LRFN2: variants seen among roughly 807,000 people sequenced by gnomAD.
LRFN2 encodes leucine rich repeat and fibronectin type III domain containing 2.
LRFN2 carries 18 observed loss-of-function variants against 37.3 expected under a neutral mutation model. The observed-to-expected ratio is 0.48, with a 90% CI of 0.33 to 0.72. The LOEUF is 0.72. Among genes scored for constraint, LRFN2 ranks in the 30% least tolerant of loss-of-function variants. The pLI is 0.02. For missense variants in LRFN2, 1,006 were observed against 1,060.7 expected (o/e 0.95, Z 0.72); for synonymous variants, 556 against 466.6 (o/e 1.19, Z -2.47).
chr6:40,503,355 C>T (rs1193869361), intron 1 of LRFN2, among the ~76,000 whole-genome samples: 1 of 152,068 alleles, frequency 6.6e-6, no homozygotes, highest in Non-Finnish European at 1.5e-5. Flanking sequence ...ACTGACTAGT[C>T]GCAGTAATGG....
At chr6:40,531,571 A>C (rs975888455) in intron 1 of LRFN2, among the ~76,000 whole-genome samples, 29 of 152,290 alleles carry the variant, frequency 1.9e-4, no homozygotes, top group Admixed American at 1.8e-3. Context: ...GCAGAATTTC[A>C]GTTGCCCTTG....
chr6:40,503,705 CA>C (rs1765451030), intron 1 of LRFN2, among the ~76,000 whole-genome samples: 1 of 152,126 alleles, frequency 6.6e-6, no homozygotes, highest in African/African-American at 2.4e-5. Flanking sequence ...TTGTGGAGCC[CA>C]ACACCAGTAT....
intron 1 of LRFN2, among the ~76,000 whole-genome samples, chr6:40,525,213 A>G (rs1766217052): frequency 6.6e-6 from 1 of 152,174 alleles, no homozygotes; most frequent in Non-Finnish European, 1.5e-5. Flanking sequence ...GGAGCATTCC[A>G]TAGGCCACTC....
intron 1 of LRFN2, among the ~76,000 whole-genome samples, chr6:40,562,405 A>C (rs1265739739): frequency 6.6e-6 from 1 of 152,078 alleles, no homozygotes. Flanking sequence ...AGGAATATAG[A>C]AACTGGTCAG....
At chr6:40,440,819 G>T (rs138102730) in intron 1 of LRFN2, among the ~76,000 whole-genome samples, 2 of 152,106 alleles carry the variant, frequency 1.3e-5, no homozygotes, top group African/African-American at 4.8e-5. Context: ...ATGTATGTGG[G>T]CCTCCTTCCT....
intron 1 of LRFN2, among the ~76,000 whole-genome samples, chr6:40,506,528 G>C (rs766719348): frequency 6.6e-6 from 1 of 152,136 alleles, no homozygotes; most frequent in Non-Finnish European, 1.5e-5. Flanking sequence ...AGTCTTAACT[G>C]CTACTTTATT....
intron 1 of LRFN2, among the ~76,000 whole-genome samples, chr6:40,497,322 G>A (rs1765251845): frequency 6.6e-6 from 1 of 152,002 alleles, no homozygotes; most frequent in Admixed American, 6.6e-5. Flanking sequence ...TCTCCTCTTA[G>A]TCAACCAGGC....
intron 1 of LRFN2, among the ~76,000 whole-genome samples, chr6:40,467,311 G>A (rs909247463): frequency 6.6e-6 from 1 of 152,016 alleles, no homozygotes; most frequent in African/African-American, 2.4e-5. Flanking sequence ...TGAGGGGAGA[G>A]CTTTCTCCAG....
rs117050292 is a variant in LRFN2 at position 40,424,510 on chromosome 6, A to G, written c.1400+7204T>C. Among the ~76,000 whole-genome samples the G allele has an allele frequency of 1.5e-4, 23 of 152,358 alleles. No individual in the cohort carries two copies. The East Asian group carries it at 4.0e-3, about 27-fold the overall frequency. On this transcript the variant is annotated intron_variant, in intron 2 of 2. Transcript: ENST00000338305. The stretch of plus-strand genomic sequence containing the variant: ...ACGCAATCTGTTTGAGACTAGTTTT[A>G]CTATCTATAAAATGGGTTTAACGTT...
At chr6:40,563,853 C>T (rs1460443662) in intron 1 of LRFN2, among the ~76,000 whole-genome samples, 1 of 152,150 alleles carries the variant, frequency 6.6e-6, no homozygotes, top group African/African-American at 2.4e-5. Flanking sequence ...GATACCACCC[C>T]TTCTCTCATT....
chr6:40,464,670 T>C (rs1245714394), intron 1 of LRFN2, among the ~76,000 whole-genome samples: 1 of 152,218 alleles, frequency 6.6e-6, no homozygotes, highest in Non-Finnish European at 1.5e-5. Flanking sequence ...ACCATTCCCA[T>C]GCATTCTGAG....
At chr6:40,416,631 C>CT (rs1286921545) in intron 2 of LRFN2, among the ~76,000 whole-genome samples, 2 of 152,194 alleles carry the variant, frequency 1.3e-5, no homozygotes, top group African/African-American at 4.8e-5. Context: ...GACTTTGACT[C>CT]TGTCTTTCCT....
intron 2 of LRFN2, among the ~76,000 whole-genome samples, chr6:40,420,582 C>T (rs1354615944): frequency 6.6e-6 from 1 of 152,250 alleles, no homozygotes; most frequent in Non-Finnish European, 1.5e-5. Context: ...GCCCATGCAG[C>T]TCTGTGGCCA....
At chr6:40,502,903 G>A (rs1396967304) in intron 1 of LRFN2, among the ~76,000 whole-genome samples, 2 of 152,244 alleles carry the variant, frequency 1.3e-5, no homozygotes, top group African/African-American at 4.8e-5. Context: ...TAGGACAGTT[G>A]TCATAGAACC....
At chr6:40,471,170 T>A (rs1764587567) in intron 1 of LRFN2, among the ~76,000 whole-genome samples, 1 of 152,088 alleles carries the variant, frequency 6.6e-6, no homozygotes, top group East Asian at 1.9e-4. Flanking sequence ...TGTGCAGATA[T>A]CTGAGAGTGT....
At chr6:40,581,709 A>C (rs941409303) in intron 1 of LRFN2, among the ~76,000 whole-genome samples, 1 of 152,200 alleles carries the variant, frequency 6.6e-6, no homozygotes, top group Non-Finnish European at 1.5e-5. Context: ...AGGTTCCAGG[A>C]GCTCAGAAAG....
chr6:40,515,422 T>C (rs1645352319), intron 1 of LRFN2, among the ~76,000 whole-genome samples: 1 of 152,196 alleles, frequency 6.6e-6, no homozygotes, highest in Non-Finnish European at 1.5e-5. Flanking sequence ...GTCACTCTGT[T>C]GGGGGTTTGA....
At chr6:40,515,744 T>A (rs1295633174) in intron 1 of LRFN2, among the ~76,000 whole-genome samples, 2 of 151,672 alleles carry the variant, frequency 1.3e-5, no homozygotes, top group Non-Finnish European at 2.9e-5. Flanking sequence ...ATAAAAAAAA[T>A]TAGCCAGGCG....
chr6:40,577,075 C>T (rs368895800), intron 1 of LRFN2, among the ~76,000 whole-genome samples: 18 of 60,762 alleles, frequency 3.0e-4, no homozygotes, highest in Non-Finnish European at 5.9e-4. Context: ...TGGTCCAAGG[C>T]CCATTTTCTT....
Sources: gnomAD v4.1 joint callset for allele counts (sites outside exome capture counted in the v4.1 genomes callset) on GRCh38, gnomAD v4.1.1 for gene constraint, MANE v1.5 for transcripts, NCBI Gene and HGNC (gene_info 2026-07-23, HGNC 2026-07-21) for gene names.